The following PLCL1 variants were observed in gnomAD, a reference collection of about 807,000 sequenced individuals.
The protein encoded by PLCL1 is phospholipase C like 1 (inactive), also known as inactive phospholipase C-like protein 1.
PLCL1 carries 41 observed loss-of-function variants against 84.4 expected under a neutral mutation model. The ratio of observed to expected loss-of-function variants is 0.49; its 90% CI spans 0.38 to 0.63. PLCL1 has a LOEUF of 0.63. Ranked by LOEUF, PLCL1 falls within the 30% of genes least tolerant of loss-of-function variation. The pLI is 0.00. For synonymous variants in PLCL1, 490 were observed against 488.3 expected (o/e 1.00, Z -0.05); for missense variants, 1,206 against 1,367.8 (o/e 0.88, Z 1.87).
chr2:198,082,633 A>G (rs1692746955), intron 1 of PLCL1, among the ~76,000 whole-genome samples: 1 of 152,124 alleles, frequency 6.6e-6, no homozygotes, highest in Admixed American at 6.6e-5. Flanking sequence ...TGTGGTCAGA[A>G]CAGAGACTAG....
At chr2:198,088,775 A>T (rs1429918671) in intron 2 of PLCL1, 83 bp from the exon 3 acceptor site, 1 of 827,134 alleles carries the variant, frequency 1.2e-6, no homozygotes, top group Non-Finnish European at 2.2e-6. Flanking sequence ...TTAAAAATGA[A>T]TGTACTTTTC....
rs574510429 is a variant in PLCL1 at position 197,961,369 on chromosome 2, T to G, written c.241-122389T>G. On this transcript the variant is annotated intron_variant, in intron 1 of 5. Coordinates refer to ENST00000428675, the MANE Select transcript of PLCL1 (RefSeq NM_006226.4). ...TCTTAGAACATTTTCTATTACTTTT[T>G]ATTTCTATTAATTTTGAAGATATCA... 2.6e-5 allele frequency among the ~76,000 whole-genome samples: 4 copies of G among 152,164 alleles called. No individual in the cohort carries two copies. In the East Asian group the frequency reaches 5.8e-4, roughly 22 times the overall value.
intron 5 of PLCL1, among the ~76,000 whole-genome samples, chr2:198,134,347 C>T (rs1694200752): frequency 6.6e-6 from 1 of 151,988 alleles, no homozygotes; most frequent in Non-Finnish European, 1.5e-5. Context: ...CCAAACCAGT[C>T]ATTGTGGAGG....
rs142561940 is a variant in PLCL1, at chr2:198,111,002, A to G, written c.3105+7066A>G. On this transcript the variant is annotated intron_variant, in intron 5 of 5. Transcript: ENST00000428675. Reference sequence around the variant, plus strand: ...AACCATCCTTAATATTGATATTATTATACTATCAATTATTGAGAAACAGCA... The same window carrying G: ...AACCATCCTTAATATTGATATTATTGTACTATCAATTATTGAGAAACAGCA... 3.2e-3 allele frequency among the ~76,000 whole-genome samples: 479 copies of G among 151,994 alleles called. 5 individuals carry two copies. The highest frequency in any genetic ancestry group is 0.011 in the African/African-American group (454 of 41,530).
At chr2:197,810,268 C>T (rs758820938) in intron 1 of PLCL1, 76 of 1,263,176 alleles carry the variant, frequency 6.0e-5, no homozygotes, top group Non-Finnish European at 7.6e-5. Flanking sequence ...ATTGCAGGGT[C>T]TTTCTGATGT....
intron 1 of PLCL1, among the ~76,000 whole-genome samples, chr2:198,073,600 G>A (rs192233375): frequency 6.6e-6 from 1 of 152,296 alleles, no homozygotes; most frequent in East Asian, 1.9e-4. Context: ...AACATATTAA[G>A]GATGTGTTTG....
At chr2:197,928,865 C>A (rs918415547) in intron 1 of PLCL1, among the ~76,000 whole-genome samples, 1 of 152,084 alleles carries the variant, frequency 6.6e-6, no homozygotes, top group Non-Finnish European at 1.5e-5. Flanking sequence ...TACAACAATT[C>A]AAAAATAAAT....
At chr2:198,103,529 T>G (rs1164366927) in intron 4 of PLCL1, among the ~76,000 whole-genome samples, 1 of 152,016 alleles carries the variant, frequency 6.6e-6, no homozygotes, top group Non-Finnish European at 1.5e-5. Flanking sequence ...TAGGTCTTAT[T>G]CATTCTTCCT....
intron 1 of PLCL1, among the ~76,000 whole-genome samples, chr2:197,939,053 G>C (rs1229414958): frequency 6.6e-6 from 1 of 152,170 alleles, no homozygotes; most frequent in Non-Finnish European, 1.5e-5. Context: ...ATTAATGGGG[G>C]TGGTGGTGAG....
At chr2:197,873,868 A>G (rs944873213) in intron 1 of PLCL1, among the ~76,000 whole-genome samples, 2 of 152,112 alleles carry the variant, frequency 1.3e-5, no homozygotes, top group Non-Finnish European at 2.9e-5. Flanking sequence ...CAGCATTGCT[A>G]CTTGTTTGTT....
At chr2:197,829,635 T>G (rs1359155618) in intron 1 of PLCL1, among the ~76,000 whole-genome samples, 1 of 152,242 alleles carries the variant, frequency 6.6e-6, no homozygotes, top group Non-Finnish European at 1.5e-5. Context: ...CAAATGTTTT[T>G]GTTTGCTTTA....
chr2:197,844,388 G>T (rs2105673032), intron 1 of PLCL1, among the ~76,000 whole-genome samples: 1 of 149,176 alleles, frequency 6.7e-6, no homozygotes, highest in East Asian at 2.0e-4. Context: ...TTCGTGTTTG[G>T]CCTCTTTCCC....
chr2:197,842,406 A>G (rs914566910), intron 1 of PLCL1, among the ~76,000 whole-genome samples: 16 of 152,022 alleles, frequency 1.1e-4, no homozygotes, highest in African/African-American at 3.9e-4. Flanking sequence ...ACTGACCTCC[A>G]GGACTCTCTC....
intron 1 of PLCL1, among the ~76,000 whole-genome samples, chr2:197,822,342 G>C (rs910316102): frequency 2.6e-5 from 4 of 152,058 alleles, no homozygotes; most frequent in Non-Finnish European, 5.9e-5. Context: ...AAATTCTTAC[G>C]TTGAGCCCAA....
chr2:198,035,755 C>A (rs1425878430), intron 1 of PLCL1, among the ~76,000 whole-genome samples: 1 of 152,226 alleles, frequency 6.6e-6, no homozygotes, highest in Non-Finnish European at 1.5e-5. Flanking sequence ...TGTGGTATGG[C>A]TGGATGCGGT....
At chr2:198,022,394 T>C (rs1320234330) in intron 1 of PLCL1, among the ~76,000 whole-genome samples, 1 of 152,162 alleles carries the variant, frequency 6.6e-6, no homozygotes, top group South Asian at 2.1e-4. Context: ...TTGGAAGTTC[T>C]GGCCAGGGCA....
intron 1 of PLCL1, among the ~76,000 whole-genome samples, chr2:198,052,321 G>T (rs1323668783): frequency 6.6e-6 from 1 of 152,232 alleles, no homozygotes; most frequent in African/African-American, 2.4e-5. Context: ...AAAGTGCTGG[G>T]ATTATAGGCA....
intron 1 of PLCL1, among the ~76,000 whole-genome samples, chr2:198,065,071 A>G (rs1232395804): frequency 6.6e-6 from 1 of 152,210 alleles, no homozygotes; most frequent in Non-Finnish European, 1.5e-5. Context: ...GTAGGGAATA[A>G]TGGACACACT....
In PLCL1 at chr2:198,084,599, A is replaced by G. The variant is rs1574299359; in HGVS notation, c.1082A>G (p.Glu361Gly). 2 of 1,614,004 alleles carry G rather than the reference A, an allele frequency of 1.2e-6. No homozygotes were observed. The highest frequency in any genetic ancestry group is 1.7e-6 in the Non-Finnish European group (2 of 1,179,854). Residue 361 changes from glutamate (E) to glycine (G), a missense_variant, in exon 2 of 6, where the codon GAA (glutamate) becomes GGA (glycine). Coordinates refer to ENST00000428675, the MANE Select transcript of PLCL1 (RefSeq NM_006226.4). ...TGCTTAGACATCATAAGGAGATACG[A>G]ACTTTCTGAAGAGGGACGTCAAAAA... is the stretch of plus-strand genomic sequence containing the variant. ...DICLDIIRRY[E>G]LSEEGRQKGF...
Sources: allele counts gnomAD v4.1 joint callset (sites outside exome capture counted in the v4.1 genomes callset), GRCh38; gene constraint gnomAD v4.1.1; transcripts MANE v1.5; gene names NCBI Gene and HGNC (gene_info 2026-07-23, HGNC 2026-07-21).